LIFR: variants seen among roughly 807,000 people sequenced by gnomAD.
LIFR encodes LIF receptor subunit alpha.
Under a neutral mutation model 122.2 loss-of-function variants are expected in LIFR, and 84 were observed. That is an observed-to-expected ratio of 0.69 (90% CI 0.58 to 0.82). The LOEUF (loss-of-function observed/expected upper bound fraction) is 0.82. Ranked by LOEUF, LIFR falls within the 40% of genes least tolerant of loss-of-function variation. The probability of loss-of-function intolerance (pLI) is 0.00; values close to 1 mark genes in which losing one functional copy is unlikely to be tolerated. For synonymous variants in LIFR, 422 were observed against 434.7 expected, an observed-to-expected ratio of 0.97 and a Z score of 0.36; for missense variants, 1,294 against 1,311.6, an observed-to-expected ratio of 0.99 and a Z score of 0.21.
intron 7 of LIFR, among the ~76,000 whole-genome samples, chr5:38,507,357 A>C (rs1561156529): frequency 6.6e-6 from 1 of 151,868 alleles, no homozygotes; most frequent in African/African-American, 2.4e-5. Context: ...TGAAGTCAGG[A>C]GTTTGAGACC....
intron 1 of LIFR, among the ~76,000 whole-genome samples, chr5:38,589,124 A>T (rs562329746): frequency 1.3e-5 from 2 of 151,600 alleles, no homozygotes; most frequent in South Asian, 4.2e-4. Flanking sequence ...CAGCCTCCCA[A>T]CTAGCTGGGA....
At chr5:38,553,122 G>A (rs1392847923) in intron 1 of LIFR, among the ~76,000 whole-genome samples, 1 of 152,146 alleles carries the variant, frequency 6.6e-6, no homozygotes, top group African/African-American at 2.4e-5. Flanking sequence ...CCACAGAGGT[G>A]GTCCTCTGTC....
At chr5:38,532,626 TAAAG>T (rs1183794070) in intron 1 of LIFR, among the ~76,000 whole-genome samples, 1 of 152,164 alleles carries the variant, frequency 6.6e-6, no homozygotes, top group Non-Finnish European at 1.5e-5. Context: ...AGCAGGATAA[TAAAG>T]AAGACTTTCT....
chr5:38,593,096 A>C (rs1264800026), intron 1 of LIFR, among the ~76,000 whole-genome samples: 2 of 152,104 alleles, frequency 1.3e-5, no homozygotes, highest in Admixed American at 6.6e-5. Context: ...CCAGCTACTC[A>C]GGAGGCTGAG....
At position 38,553,641 on chromosome 5, in the gene LIFR, TATATA is replaced by T. The variant is rs1454023865; in HGVS notation, c.-20+2688_-20+2692del. Reference sequence around the variant, plus strand: ...TTTAAACTATATATATATATATATATATATATATATATATATATATATATATATAT... The same window carrying T: ...TTTAAACTATATATATATATATATATTATATATATATATATATATATATAT... On this transcript the variant is annotated intron_variant, in intron 1 of 19. Transcript: ENST00000453190. Among the ~76,000 whole-genome samples the T allele has an allele frequency of 5.6e-4, 46 of 82,148 alleles. 1 individual carries two copies. The East Asian group carries it at 0.021, about 38-fold the overall frequency. 53.9% of individuals were successfully genotyped at this position (82,148 alleles called of 152,430 possible). A position where few individuals can be genotyped will look rare whatever the true frequency, so the allele number is the denominator to read the frequency against.
At chr5:38,598,233 A>ATT (rs1750151838), upstream of LIFR, among the ~76,000 whole-genome samples, 1 of 31,982 alleles carries the variant, frequency 3.1e-5, no homozygotes, top group Non-Finnish European at 5.5e-5. Flanking sequence ...TTTTTTTTTT[A>ATT]TTTATTTATT....
intron 1 of LIFR, among the ~76,000 whole-genome samples, chr5:38,541,764 A>G (rs1475321820): frequency 1.3e-5 from 2 of 152,234 alleles, no homozygotes; most frequent in Non-Finnish European, 2.9e-5. Context: ...GGATTCTAAT[A>G]AATAAATCCA....
In LIFR at chr5:38,517,856, C is replaced by CAAAAAAAAA. The variant is rs572954936; in HGVS notation, c.561+5554_561+5562dup. 2.8e-3 allele frequency among the ~76,000 whole-genome samples: 42 copies of CAAAAAAAAA among 15,042 alleles called. 8 individuals are homozygous for CAAAAAAAAA. In the East Asian group the frequency reaches 0.11, roughly 41 times the overall value. 9.9% of individuals were successfully genotyped at this position (15,042 alleles called of 152,430 possible). ...TGTGCAACAGAGCAAGACACTGTCTCAAAAAAAAAAAAAAAAAAAAAAAAA... is the reference window on the plus strand; with the variant it reads ...TGTGCAACAGAGCAAGACACTGTCTCAAAAAAAAAAAAAAAAAAAAAAAAAAAAAAAAAA... On this transcript the variant is annotated intron_variant, in intron 5 of 19. Transcript: ENST00000453190.
chr5:38,489,341 A>C, intron 15 of LIFR, 96 bp from the exon 16 acceptor site: 5 of 982,394 alleles, frequency 5.1e-6, no homozygotes, highest in Non-Finnish European at 6.2e-6. Flanking sequence ...AAATAATTCA[A>C]CTTGGAATTA....
Position 38,528,645 on chromosome 5 carries a change from T to TCC in LIFR, c.257+80_257+81insGG, listed in dbSNP as rs960527470. 16 of 863,516 alleles carry TCC rather than the reference T, an allele frequency of 1.9e-5. No homozygotes were observed. The Admixed American group carries it at 3.2e-4, about 17-fold the overall frequency. The allele number at this position is 863,516 out of a possible 1,614,324, so 53.5% of individuals were successfully genotyped here. A position where few individuals can be genotyped will look rare whatever the true frequency, so the allele number is the denominator to read the frequency against. On this transcript the variant is annotated intron_variant, in intron 3 of 19. Transcript: ENST00000453190. Reference sequence around the variant, plus strand: ...ACAAGCAGGAAATAACCCTTTAGTTTCACAAGCAATAAGGTAAGAACTGAG... The same window carrying TCC: ...ACAAGCAGGAAATAACCCTTTAGTTTCCCACAAGCAATAAGGTAAGAACTGAG...
intron 17 of LIFR, 35 bp from the exon 18 acceptor site, chr5:38,484,903 A>C (rs937493622): frequency 7.0e-7 from 1 of 1,422,838 alleles, no homozygotes; most frequent in African/African-American, 1.4e-5. Flanking sequence ...TAAAATCGCC[A>C]TTTTTAGTGT....
intron 14 of LIFR, among the ~76,000 whole-genome samples, chr5:38,491,384 G>A (rs1744584206): frequency 6.6e-6 from 1 of 152,136 alleles, no homozygotes; most frequent in Non-Finnish European, 1.5e-5. Context: ...TTATATTAGA[G>A]GTATGTATCA....
rs145248860 is a variant in LIFR, at chr5:38,492,890, G to T, written c.2065+716C>A. On this transcript the variant is annotated intron_variant, in intron 14 of 19. Transcript: ENST00000453190. Reference sequence around the variant, plus strand: ...GTGCCAGGAAAACAACGATGATATTGCAGAGAGGGCTCTAATTCCTAAGGA... The same window carrying T: ...GTGCCAGGAAAACAACGATGATATTTCAGAGAGGGCTCTAATTCCTAAGGA... 4.9e-3 allele frequency among the ~76,000 whole-genome samples: 746 copies of T among 152,274 alleles called. 15 individuals carry two copies. Among genetic ancestry groups the T allele is most frequent in the Admixed American group, 0.042 (643 of 15,296 alleles).
rs56285132 is a variant in LIFR, at chr5:38,567,496, GTATT to G, written c.-20+27761_-20+27764del. Among the ~76,000 whole-genome samples the G allele has an allele frequency of 7.3e-3, 974 of 132,882 alleles. 10 individuals carry two copies. The highest frequency in any genetic ancestry group is 0.016 in the South Asian group (64 of 3,890). The allele number at this position is 132,882 out of a possible 152,430, so 87.2% of individuals were successfully genotyped here. A position where few individuals can be genotyped will look rare whatever the true frequency, so the allele number is the denominator to read the frequency against. On this transcript the variant is annotated intron_variant, in intron 1 of 19. Transcript: ENST00000263409. Reference sequence around the variant, plus strand: ...TTCATTGAAGGAATATGACCATTCTGTATTTATTTATTTATTTATTTATTTATTT... The same window carrying G: ...TTCATTGAAGGAATATGACCATTCTGTATTTATTTATTTATTTATTTATTT...
At chr5:38,501,695 C>T (rs1432084849) in intron 11 of LIFR, among the ~76,000 whole-genome samples, 1 of 151,758 alleles carries the variant, frequency 6.6e-6, no homozygotes, top group Non-Finnish European at 1.5e-5. Context: ...GAGCCGAGAT[C>T]GCGCCATTGC....
At chr5:38,594,238 A>G (rs1750024231) in intron 1 of LIFR, among the ~76,000 whole-genome samples, 1 of 152,128 alleles carries the variant, frequency 6.6e-6, no homozygotes, top group Non-Finnish European at 1.5e-5. Context: ...AACGATGGAG[A>G]TGGTTAAAAG....
chr5:38,573,168 A>AT (rs1749270852), intron 1 of LIFR, among the ~76,000 whole-genome samples: 1 of 152,278 alleles, frequency 6.6e-6, no homozygotes, highest in Admixed American at 6.5e-5. Context: ...AAATGCAACA[A>AT]TTAAACCAAC....
chr5:38,572,836 C>T (rs1641293277), intron 1 of LIFR, among the ~76,000 whole-genome samples: 1 of 152,224 alleles, frequency 6.6e-6, no homozygotes, highest in African/African-American at 2.4e-5. Context: ...TCATAGTCAT[C>T]TAAGTCACCA....
intron 1 of LIFR, 176 bp from the exon 2 acceptor site, chr5:38,530,842 AC>A (rs1293834782): frequency 3.3e-6 from 2 of 611,676 alleles, no homozygotes; most frequent in East Asian, 5.7e-5. Flanking sequence ...ATAATTGGAC[AC>A]AGCTGTTGCT....
Sources: gnomAD v4.1 joint callset for allele counts (sites outside exome capture counted in the v4.1 genomes callset) on GRCh38, gnomAD v4.1.1 for gene constraint, MANE v1.5 for transcripts, NCBI Gene and HGNC (gene_info 2026-07-23, HGNC 2026-07-21) for gene names.